Variants in USP32 observed in about 807,000 individuals in gnomAD.
The protein encoded by USP32 is ubiquitin specific peptidase 32, also known as ubiquitin carboxyl-terminal hydrolase 32.
In USP32, 59 loss-of-function variants were observed where a neutral mutation model predicts 204.8. The observed-to-expected ratio is 0.29, with a 90% CI of 0.23 to 0.36. The LOEUF is 0.36. Among genes scored for constraint, USP32 ranks in the 10% least tolerant of loss-of-function variants. The pLI is 1.00. For missense variants in USP32, 1,160 were observed against 1,946.4 expected, an observed-to-expected ratio of 0.60 and a Z score of 7.60; for synonymous variants, 517 against 678.4, an observed-to-expected ratio of 0.76 and a Z score of 3.70.
chr17:60,266,498 T>A (rs1023268189), intron 7 of USP32, among the ~76,000 whole-genome samples: 1 of 152,190 alleles, frequency 6.6e-6, no homozygotes, highest in Non-Finnish European at 1.5e-5. Flanking sequence ...TTCTTCTTTT[T>A]GTTTGTTGGA....
intron 26 of USP32, among the ~76,000 whole-genome samples, chr17:60,201,583 T>C (rs180938954): frequency 1.3e-5 from 2 of 152,272 alleles, no homozygotes; most frequent in East Asian, 3.9e-4. Context: ...CTGTTTAATT[T>C]TACCTGTTCA....
At chr17:60,394,519 G>T (rs896619026), upstream of USP32, among the ~76,000 whole-genome samples, 1 of 152,112 alleles carries the variant, frequency 6.6e-6, no homozygotes, top group African/African-American at 2.4e-5. Context: ...TTCATGAGAT[G>T]GTAAATGATT....
At chr17:60,234,742 A>AT (rs200970919) in intron 12 of USP32, among the ~76,000 whole-genome samples, 3,071 of 151,562 alleles carry the variant, frequency 0.02, 123 homozygotes, top group African/African-American at 0.071. Context: ...GAAAAAAAAA[A>AT]ATTTTTTTTT....
chr17:60,238,560 T>C (rs543337723), intron 11 of USP32, among the ~76,000 whole-genome samples: 2 of 152,112 alleles, frequency 1.3e-5, no homozygotes, highest in East Asian at 3.9e-4. Flanking sequence ...CCCAGCACTT[T>C]GGGAGACCGA....
intron 26 of USP32, among the ~76,000 whole-genome samples, chr17:60,202,608 T>C (rs1219085406): frequency 3.9e-5 from 6 of 152,178 alleles, no homozygotes; most frequent in African/African-American, 1.4e-4. Context: ...ATTTCAGTCT[T>C]CTTTAATTTC....
intron 12 of USP32, among the ~76,000 whole-genome samples, chr17:60,227,271 CTTTTTTT>C (rs376585619): frequency 8.1e-6 from 1 of 122,890 alleles, no homozygotes; most frequent in African/African-American, 3.8e-5. Context: ...TTCTTTTTTT[CTTTTTTT>C]TTTTTTTTTG....
intron 1 of USP32, among the ~76,000 whole-genome samples, chr17:60,349,843 A>G (rs2088907428): frequency 6.6e-6 from 1 of 150,584 alleles, no homozygotes; most frequent in Non-Finnish European, 1.5e-5. Flanking sequence ...AATATCATAC[A>G]GACACTGAAA....
intron 27 of USP32, among the ~76,000 whole-genome samples, chr17:60,196,434 A>T (rs1445069272): frequency 6.6e-6 from 1 of 152,206 alleles, no homozygotes; most frequent in Non-Finnish European, 1.5e-5. Context: ...TACTAAACAC[A>T]ACATTCATTA....
chr17:60,345,293 T>C (rs1189852433), intron 2 of USP32, among the ~76,000 whole-genome samples, 188 bp downstream of exon 2: 1 of 152,188 alleles, frequency 6.6e-6, no homozygotes, highest in Non-Finnish European at 1.5e-5. Flanking sequence ...TACAGCTCTG[T>C]AGTACTCCCA....
At chr17:60,223,273 CTA>C (rs2085301077) in intron 14 of USP32, 136 bp downstream of exon 14, 2 of 682,116 alleles carry the variant, frequency 2.9e-6, no homozygotes, top group Non-Finnish European at 4.8e-6. Context: ...CAGAAATGTA[CTA>C]TACAAAGAGA....
Position 60,349,999 on chromosome 17 carries a change from G to A in USP32, c.59-4391C>T, listed in dbSNP as rs114439504. On this transcript the variant is annotated intron_variant, in intron 1 of 33. Transcript: ENST00000300896. The stretch of plus-strand genomic sequence containing the variant: ...CTAAGTTCTGCTCTGTGGTTTTTTC[G>A]TTGTTGTTGGTTTTTGTTTTTTTTT... Among the ~76,000 whole-genome samples, 456 of 150,512 alleles carry A rather than the reference G, an allele frequency of 3.0e-3. 2 individuals carry two copies. Among genetic ancestry groups the A allele is most frequent in the African/African-American group, 8.4e-3 (346 of 41,166 alleles).
At chr17:60,290,337 T>C (rs1291885914) in intron 4 of USP32, among the ~76,000 whole-genome samples, 3 of 152,256 alleles carry the variant, frequency 2.0e-5, no homozygotes, top group Admixed American at 6.5e-5. Context: ...CCAGTCTTCA[T>C]GTATGCCCTA....
chr17:60,421,703 C>T (rs1481864091), intron 1 of USP32: 10 of 787,330 alleles, frequency 1.3e-5, no homozygotes, highest in Non-Finnish European at 1.5e-5. Flanking sequence ...TGAGCACCTC[C>T]CGGCCCTGCC....
intron 1 of USP32, among the ~76,000 whole-genome samples, chr17:60,384,519 C>T (rs1419041608): frequency 6.6e-6 from 1 of 152,158 alleles, no homozygotes; most frequent in Non-Finnish European, 1.5e-5. Context: ...AGGCCAGGCA[C>T]GGTGGCTCAT....
chr17:60,368,519 CG>C (rs2089363088), intron 1 of USP32, among the ~76,000 whole-genome samples: 1 of 151,292 alleles, frequency 6.6e-6, no homozygotes, highest in Non-Finnish European at 1.5e-5. Flanking sequence ...AGGGCCATTG[CG>C]GTTGGGGGGC....
At chr17:60,245,416 G>GTCAGCA in intron 11 of USP32, 1 of 390,592 alleles carries the variant, frequency 2.6e-6, no homozygotes. Context: ...CTTGTTGCAC[G>GTCAGCA]TCAGCAGCAC....
chr17:60,392,596 A>T (rs550073520), upstream of USP32: 19 of 447,942 alleles, frequency 4.2e-5, no homozygotes, highest in South Asian at 3.0e-4. Context: ...ATCTTAGGGA[A>T]TGGGGTTCTG....
chr17:60,374,748 A>T (rs1198056875), intron 1 of USP32, among the ~76,000 whole-genome samples: 1 of 152,200 alleles, frequency 6.6e-6, no homozygotes. Context: ...ATGACTACAT[A>T]AAAAAAGCAA....
At chr17:60,367,491 G>A (rs1567878330) in intron 1 of USP32, among the ~76,000 whole-genome samples, 1 of 152,076 alleles carries the variant, frequency 6.6e-6, no homozygotes, top group Non-Finnish European at 1.5e-5. Flanking sequence ...CTGGGCAACA[G>A]AACGTGTCTC....
Sources: allele counts gnomAD v4.1 joint callset (sites outside exome capture counted in the v4.1 genomes callset), GRCh38; gene constraint gnomAD v4.1.1; transcripts MANE v1.5; gene names NCBI Gene and HGNC (gene_info 2026-07-23, HGNC 2026-07-21).